The following MRC1 variants were observed in gnomAD, a reference collection of about 807,000 sequenced individuals.
MRC1 encodes macrophage mannose receptor 1.
MRC1 carries 62 observed loss-of-function variants against 102.9 expected under a neutral mutation model. The observed-to-expected ratio is 0.60, with a 90% CI of 0.49 to 0.74. MRC1 has a LOEUF of 0.74. MRC1 is among the 30% of genes least tolerant of loss of function. The probability of loss-of-function intolerance (pLI) is 0.00; values close to 1 mark genes in which losing one functional copy is unlikely to be tolerated. For synonymous variants in MRC1, 457 were observed against 298.4 expected (o/e 1.53, Z -5.48); for missense variants, 1,237 against 862.8 (o/e 1.43, Z -5.43).
intron 21 of MRC1, among the ~76,000 whole-genome samples, chr10:17,882,629 GT>G (rs1833535756): frequency 6.6e-6 from 1 of 152,090 alleles, no homozygotes; most frequent in East Asian, 1.9e-4. Context: ...TCTCTCAAAA[GT>G]TTATTTGGCT....
At chr10:17,829,124 A>G in intron 3 of MRC1, among the ~76,000 whole-genome samples, 1 of 151,506 alleles carries the variant, frequency 6.6e-6, no homozygotes, top group East Asian at 1.9e-4. Flanking sequence ...GGGCAGAGCA[A>G]AGAGCATTCG....
At chr10:17,906,697 A>G (rs1160814419) in intron 26 of MRC1, among the ~76,000 whole-genome samples, 189 bp from the exon 27 acceptor site, 1 of 152,206 alleles carries the variant, frequency 6.6e-6, no homozygotes, top group Non-Finnish European at 1.5e-5. Flanking sequence ...GATGCTAATG[A>G]TGCTTAAAAA....
At chr10:17,823,899 C>A (rs1404175428) in intron 2 of MRC1, among the ~76,000 whole-genome samples, 1 of 152,110 alleles carries the variant, frequency 6.6e-6, no homozygotes, top group Non-Finnish European at 1.5e-5. Context: ...ACATTCTTTC[C>A]CAATTTAGAT....
In MRC1 at chr10:17,845,484, A is replaced by G. The variant is rs1452397101; in HGVS notation, c.1063+49A>G. On this transcript the variant is annotated intron_variant, in intron 6 of 29. Coordinates refer to ENST00000569591, the MANE Select transcript of MRC1 (RefSeq NM_002438.4). ...GTGCCTCAACTATTAGAATTGAAAG[A>G]TAAGTAACATTACAGCTTAGGTGTA... 1.7e-5 allele frequency: 13 copies of G among 779,604 alleles called. No individual in the cohort carries two copies. The African/African-American group carries it at 1.7e-4, about 10-fold the overall frequency. 48.3% of individuals were successfully genotyped at this position (779,604 alleles called of 1,614,324 possible). A position where few individuals can be genotyped will look rare whatever the true frequency, so the allele number is the denominator to read the frequency against.
intron 1 of MRC1, among the ~76,000 whole-genome samples, chr10:17,813,004 G>A (rs200265081): frequency 0.17 from 25,658 of 152,122 alleles, 2,663 homozygotes; most frequent in Non-Finnish European, 0.23. Flanking sequence ...AAATGATAAT[G>A]AGAGACGTCT....
chr10:17,903,941 G>A (rs1244917678), intron 26 of MRC1, among the ~76,000 whole-genome samples: 1 of 151,152 alleles, frequency 6.6e-6, no homozygotes, highest in South Asian at 2.1e-4. Flanking sequence ...GGGCAACAGA[G>A]CGAGACTTCA....
chr10:17,820,995 T>C (rs1192483780), intron 1 of MRC1, among the ~76,000 whole-genome samples: 1 of 152,154 alleles, frequency 6.6e-6, no homozygotes, highest in African/African-American at 2.4e-5. Context: ...CAAAATGAGA[T>C]CAAGTGTGGA....
intron 2 of MRC1, 26 bp from the exon 3 acceptor site, chr10:17,827,516 A>G: frequency 1.3e-6 from 1 of 780,478 alleles, no homozygotes; most frequent in South Asian, 1.3e-5. Context: ...CTCACATTCC[A>G]AGTTCAAGTC....
intron 12 of MRC1, among the ~76,000 whole-genome samples, chr10:17,867,413 TTCTC>T (rs1225148396): frequency 5.4e-5 from 8 of 148,348 alleles, no homozygotes; most frequent in Admixed American, 3.4e-4. Flanking sequence ...TCTTCTTCTT[TTCTC>T]TCTCTCTCCT....
rs1833957121 is a variant in MRC1 at position 17,910,662 on chromosome 10, T to A, written c.*197T>A. 3 of 635,338 alleles carry A rather than the reference T, an allele frequency of 4.7e-6. No homozygotes were observed. In the African/African-American group the frequency reaches 5.5e-5, roughly 12 times the overall value. The allele number at this position is 635,338 out of a possible 1,614,324, so 39.4% of individuals were successfully genotyped here. ...TATTTTCATAAAAGAGGGATAACAATGCTGATTACTACCTTTTAAAATATT... is the reference window on the plus strand; with the variant it reads ...TATTTTCATAAAAGAGGGATAACAAAGCTGATTACTACCTTTTAAAATATT... On this transcript the variant is annotated 3_prime_UTR_variant, in exon 30 of 30. Transcript: ENST00000569591.
intron 24 of MRC1, among the ~76,000 whole-genome samples, chr10:17,899,828 G>A (rs1833804208): frequency 6.6e-6 from 1 of 152,064 alleles, no homozygotes; most frequent in Non-Finnish European, 1.5e-5. Context: ...GCCAGGCACG[G>A]TGGCTCACGC....
intron 25 of MRC1, 125 bp from the exon 26 acceptor site, chr10:17,901,845 AATG>A: frequency 1.3e-6 from 1 of 753,522 alleles, no homozygotes; most frequent in Non-Finnish European, 2.5e-6. Flanking sequence ...TGGTGATCCA[AATG>A]ATAACCATTG....
At chr10:17,843,560 G>A (rs1297529196) in intron 5 of MRC1, among the ~76,000 whole-genome samples, 3 of 152,062 alleles carry the variant, frequency 2.0e-5, no homozygotes, top group South Asian at 2.1e-4. Flanking sequence ...AGCTACTCAG[G>A]AGGCTGAGGC....
intron 1 of MRC1, among the ~76,000 whole-genome samples, chr10:17,821,329 TA>T (rs1186276179): frequency 6.6e-6 from 1 of 152,186 alleles, no homozygotes; most frequent in Non-Finnish European, 1.5e-5. Flanking sequence ...ATCCATGAGC[TA>T]AAAACCTAGG....
intron 11 of MRC1, among the ~76,000 whole-genome samples, chr10:17,864,128 G>C (rs2130664888): frequency 6.6e-6 from 1 of 152,058 alleles, no homozygotes; most frequent in South Asian, 2.1e-4. Flanking sequence ...TCAGCCTCCT[G>C]AGTAGCTGGG....
chr10:17,898,062 G>A lies in MRC1; in HGVS notation c.3279G>A (p.Thr1093=), dbSNP rs1833779607. 9.0e-6 allele frequency: 7 copies of A among 780,664 alleles called. No individual in the cohort carries two copies. Among genetic ancestry groups the A allele is most frequent in the African/African-American group, 5.1e-5 (3 of 59,124 alleles). The allele number at this position is 780,664 out of a possible 1,614,324, so 48.4% of individuals were successfully genotyped here. ...CTTCCTTGACTAATCCTCCAGCAAC[G>A]ATTCAAACAGATGGCTTTGTTAAAT... is the stretch of plus-strand genomic sequence containing the variant. The part of the protein sequence containing the change: ...SDPSLTNPPA[T]IQTDGFVKYG... Residue 1093 remains threonine, a synonymous_variant, in exon 24 of 30, where the codon ACG becomes ACA. Transcript: ENST00000569591.
intron 15 of MRC1, 119 bp downstream of exon 15, chr10:17,872,245 G>T: frequency 1.3e-6 from 1 of 771,986 alleles, no homozygotes; most frequent in Non-Finnish European, 2.4e-6. Context: ...GAAACTGTCA[G>T]TGGCCATCAT....
intron 29 of MRC1, 132 bp from the exon 30 acceptor site, chr10:17,910,081 CTT>C (rs1833948558): frequency 2.7e-6 from 2 of 735,300 alleles, no homozygotes; most frequent in African/African-American, 3.5e-5. Flanking sequence ...GTTTTCACAT[CTT>C]TCTTTTCTGT....
intron 8 of MRC1, among the ~76,000 whole-genome samples, chr10:17,854,999 A>AT (rs1833061670): frequency 6.6e-6 from 1 of 151,976 alleles, no homozygotes; most frequent in Non-Finnish European, 1.5e-5. Flanking sequence ...CCCAGAAAAC[A>AT]TTTTTTTCAA....
Sources: allele counts gnomAD v4.1 joint callset (sites outside exome capture counted in the v4.1 genomes callset), GRCh38; gene constraint gnomAD v4.1.1; transcripts MANE v1.5; gene names NCBI Gene and HGNC (gene_info 2026-07-23, HGNC 2026-07-21).